The following GARIN5A variants were observed in gnomAD, a reference collection of about 807,000 sequenced individuals.
The protein encoded by GARIN5A is Golgi-associated RAB2 interactor protein 5A.
At chr19:50,468,286 T>C in the GARIN5A span, among the ~76,000 whole-genome samples, 1 of 138,016 alleles carries the variant, frequency 7.2e-6, no homozygotes, top group Non-Finnish European at 1.5e-5. Context: ...TGCTTCAACC[T>C]GGGAGGCGGA....
At chr19:50,475,339 G>C in the GARIN5A span, 1 of 1,596,732 alleles carries the variant, frequency 6.3e-7, no homozygotes, top group Non-Finnish European at 8.6e-7. Flanking sequence ...AGAGTTGCAG[G>C]TGTCCGTTCT....
At chr19:50,475,293 G>A in the GARIN5A span, 155 of 1,550,160 alleles carry the variant, frequency 1.0e-4, no homozygotes, top group Non-Finnish European at 1.3e-4. Flanking sequence ...GCTGAGGGAG[G>A]AAGGGGTCTC....
chr19:50,469,714 T>C, the GARIN5A span, among the ~76,000 whole-genome samples: 1 of 152,156 alleles, frequency 6.6e-6, no homozygotes, highest in South Asian at 2.1e-4. Flanking sequence ...CCAGGTCCCA[T>C]GTTCACCTAC....
At chr19:50,467,538 C>G in the GARIN5A span, 22 of 1,464,484 alleles carry the variant, frequency 1.5e-5, no homozygotes, top group Non-Finnish European at 1.9e-5. Context: ...CCCCACTGCG[C>G]TTCCCCCCTC....
the GARIN5A span, chr19:50,476,661 G>A: frequency 6.6e-7 from 1 of 1,517,346 alleles, no homozygotes; most frequent in Non-Finnish European, 8.8e-7. Context: ...CGCGAGGGGT[G>A]AGTGCTCTTT....
the GARIN5A span, chr19:50,476,278 G>T: frequency 6.2e-7 from 1 of 1,607,044 alleles, no homozygotes; most frequent in Admixed American, 1.7e-5. Flanking sequence ...GCACTGTGAC[G>T]TCATGATGCG....
At chr19:50,467,931 C>T in the GARIN5A span, 15 of 979,166 alleles carry the variant, frequency 1.5e-5, no homozygotes, top group South Asian at 1.9e-4. Flanking sequence ...CTCTGCCCCA[C>T]GAATCCCTTT....
At chr19:50,472,264 T>C in the GARIN5A span, among the ~76,000 whole-genome samples, 3 of 114,118 alleles carry the variant, frequency 2.6e-5, no homozygotes, top group Non-Finnish European at 5.1e-5. Context: ...TGTATGTGTG[T>C]ATATATGTAT....
chr19:50,472,278 T>C, the GARIN5A span, among the ~76,000 whole-genome samples: 4 of 151,736 alleles, frequency 2.6e-5, no homozygotes, highest in Non-Finnish European at 5.9e-5. Flanking sequence ...TATGTATATA[T>C]ACATGTATGT....
the GARIN5A span, chr19:50,476,310 A>G: frequency 1.3e-6 from 2 of 1,595,170 alleles, no homozygotes; most frequent in African/African-American, 2.7e-5. Context: ...ATGACGTCAC[A>G]CAAGAGCGGG....
chr19:50,470,149 A>C, the GARIN5A span, among the ~76,000 whole-genome samples: 1 of 152,222 alleles, frequency 6.6e-6, no homozygotes, highest in Non-Finnish European at 1.5e-5. Flanking sequence ...GTTGCCTACC[A>C]CTTTAACATG....
chr19:50,474,679 G>A, the GARIN5A span, among the ~76,000 whole-genome samples: 1 of 151,944 alleles, frequency 6.6e-6, no homozygotes, highest in Non-Finnish European at 1.5e-5. Context: ...TAGAGACAGG[G>A]TTTTGCTATG....
the GARIN5A span, among the ~76,000 whole-genome samples, chr19:50,474,337 A>G: frequency 1.8e-3 from 218 of 123,902 alleles, no homozygotes; most frequent in African/African-American, 6.4e-3. Flanking sequence ...CCGCCACCAC[A>G]CCTGGCTAAT....
the GARIN5A span, among the ~76,000 whole-genome samples, chr19:50,471,984 A>G: frequency 7.4e-5 from 11 of 149,634 alleles, no homozygotes; most frequent in Admixed American, 2.6e-4. Flanking sequence ...GTATGTGTGT[A>G]TATGTATATA....
chr19:50,472,683 C>T, the GARIN5A span, among the ~76,000 whole-genome samples: 1 of 152,012 alleles, frequency 6.6e-6, no homozygotes, highest in South Asian at 2.1e-4. Context: ...TTGCTTGAGC[C>T]CAGGAGTTCG....
At chr19:50,474,845 G>A in the GARIN5A span, among the ~76,000 whole-genome samples, 1 of 152,156 alleles carries the variant, frequency 6.6e-6, no homozygotes, top group Non-Finnish European at 1.5e-5. Flanking sequence ...GTGAGGCACA[G>A]GAGGGCTCAA....
At chr19:50,475,758 C>T in the GARIN5A span, 1 of 1,066,488 alleles carries the variant, frequency 9.4e-7, no homozygotes, top group Non-Finnish European at 1.5e-6. Flanking sequence ...TATGGGGGAG[C>T]AGGGGCTTTC....
the GARIN5A span, among the ~76,000 whole-genome samples, chr19:50,468,084 G>T: frequency 6.6e-5 from 10 of 152,290 alleles, no homozygotes; most frequent in Admixed American, 2.6e-4. Flanking sequence ...TCTGGGGCCA[G>T]GCGTGGTGGC....
At chr19:50,471,884 G>A in the GARIN5A span, among the ~76,000 whole-genome samples, 51,948 of 150,718 alleles carry the variant, frequency 0.34, 9,133 homozygotes, top group Non-Finnish European at 0.37. Context: ...GCATACATGT[G>A]TGTATATGTA....
Sources: gnomAD v4.1 joint callset for allele counts (sites outside exome capture counted in the v4.1 genomes callset) on GRCh38, gnomAD v4.1.1 for gene constraint, MANE v1.5 for transcripts, NCBI Gene and HGNC (gene_info 2026-07-23, HGNC 2026-07-21) for gene names.